CNOT6: variants seen among roughly 807,000 people sequenced by gnomAD.
CNOT6 encodes the protein CCR4-NOT transcription complex subunit 6.
CNOT6 carries 12 observed loss-of-function variants against 61.2 expected under a neutral mutation model. The observed-to-expected ratio is 0.20, with a 90% confidence interval of 0.13 to 0.32. CNOT6 has a LOEUF of 0.32. CNOT6 is among the 10% of genes least tolerant of loss of function. CNOT6 has a pLI of 1.00. For missense variants in CNOT6, 405 were observed against 663.9 expected, an observed-to-expected ratio of 0.61 and a Z score of 4.28; for synonymous variants, 225 against 240.6, an observed-to-expected ratio of 0.94 and a Z score of 0.60.
At chr5:180,561,283 C>T (rs2387281) in intron 4 of CNOT6, among the ~76,000 whole-genome samples, 132,219 of 151,918 alleles carry the variant, frequency 0.87, 57,938 homozygotes, top group East Asian at 1. Context: ...TTCTAATATT[C>T]CCATTTGGTT....
intron 10 of CNOT6, 90 bp from the exon 11 acceptor site, chr5:180,571,140 T>C (rs1760727192): frequency 2.4e-6 from 2 of 838,100 alleles, no homozygotes; most frequent in Non-Finnish European, 3.8e-6. Flanking sequence ...CGTGGGAATA[T>C]GTATAGTTTA....
intron 9 of CNOT6, 94 bp from the exon 10 acceptor site, chr5:180,569,016 C>A: frequency 1.1e-6 from 1 of 883,840 alleles, no homozygotes; most frequent in Non-Finnish European, 1.7e-6. Context: ...TATTCTGGGA[C>A]TCTGAGAGAT....
chr5:180,508,293 G>A (rs73363227), intron 1 of CNOT6, among the ~76,000 whole-genome samples: 1,953 of 152,230 alleles, frequency 0.013, 37 homozygotes, highest in African/African-American at 0.044. Flanking sequence ...GAAAGGGCAG[G>A]ATTGAAGACC....
intron 1 of CNOT6, among the ~76,000 whole-genome samples, chr5:180,509,828 G>GTT (rs10707986): frequency 4.1e-4 from 50 of 120,832 alleles, no homozygotes; most frequent in African/African-American, 7.3e-4. Context: ...ATACCTTGGT[G>GTT]TTTTTTTTTT....
At chr5:180,525,396 T>G (rs1426124395) in intron 1 of CNOT6, among the ~76,000 whole-genome samples, 1 of 151,760 alleles carries the variant, frequency 6.6e-6, no homozygotes, top group Non-Finnish European at 1.5e-5. Flanking sequence ...AAGATTAGCC[T>G]GGTGTGGTGG....
At chr5:180,531,045 G>A (rs1376393881) in intron 2 of CNOT6, among the ~76,000 whole-genome samples, 26 of 150,736 alleles carry the variant, frequency 1.7e-4, no homozygotes, top group African/African-American at 5.9e-4. Flanking sequence ...CAAAACCGCC[G>A]TTGTCATCAT....
chr5:180,515,238 T>G (rs1757579400), intron 1 of CNOT6, among the ~76,000 whole-genome samples: 1 of 150,776 alleles, frequency 6.6e-6, no homozygotes, highest in South Asian at 2.1e-4. Context: ...GGCAACATAG[T>G]GATGCCTCCC....
chr5:180,505,223 G>T (rs1417773277), intron 1 of CNOT6, among the ~76,000 whole-genome samples: 1 of 145,102 alleles, frequency 6.9e-6, no homozygotes, highest in Non-Finnish European at 1.5e-5. Flanking sequence ...GCCTCCTAAA[G>T]TACTGGGATT....
At position 180,574,364 on chromosome 5, in the gene CNOT6, AACAG is replaced by A; in HGVS notation, c.*168_*171del. ...TATAGTATGAAAGCCAGGTGCTAGC[AACAG>A]ACAAATTCTGAGCCCAATATGCTTT... On this transcript the variant is annotated 3_prime_UTR_variant, in exon 12 of 12. Coordinates refer to ENST00000261951, the MANE Select transcript of CNOT6 (RefSeq NM_001370472.1). The A allele has an allele frequency of 1.6e-6, 1 of 635,086 alleles. No individual in the cohort carries two copies. Among genetic ancestry groups the A allele is most frequent in the Non-Finnish European group, 2.8e-6 (1 of 361,842 alleles). The allele number at this position is 635,086 out of a possible 1,614,324, so 39.3% of individuals were successfully genotyped here. A position where few individuals can be genotyped will look rare whatever the true frequency, so the allele number is the denominator to read the frequency against.
chr5:180,548,804 A>G (rs1225618265), intron 2 of CNOT6, among the ~76,000 whole-genome samples: 2 of 152,216 alleles, frequency 1.3e-5, no homozygotes, highest in Non-Finnish European at 2.9e-5. Context: ...CGTTTTCTTC[A>G]GCCAATAGAA....
At chr5:180,517,986 T>C (rs1757720705) in intron 1 of CNOT6, among the ~76,000 whole-genome samples, 2 of 134,838 alleles carry the variant, frequency 1.5e-5, no homozygotes, top group Non-Finnish European at 3.4e-5. Flanking sequence ...GCAGTCCATA[T>C]GCTGTCTCTT....
At chr5:180,558,061 C>A (rs912446699) in intron 4 of CNOT6, among the ~76,000 whole-genome samples, 1 of 152,138 alleles carries the variant, frequency 6.6e-6, no homozygotes, top group Admixed American at 6.5e-5. Context: ...TTTCATTGAT[C>A]TATGTGTCCA....
intron 9 of CNOT6, 30 bp downstream of exon 9, chr5:180,568,033 A>T (rs1359344941): frequency 1.3e-6 from 2 of 1,577,278 alleles, no homozygotes; most frequent in Non-Finnish European, 1.7e-6. Flanking sequence ...TGTAAAATTG[A>T]CCAGCTCTGA....
chr5:180,551,429 GGT>G (rs1389164019), intron 3 of CNOT6, among the ~76,000 whole-genome samples: 1 of 152,082 alleles, frequency 6.6e-6, no homozygotes, highest in Non-Finnish European at 1.5e-5. Context: ...TAGAGATGAG[GGT>G]CTCACTATGT....
intron 1 of CNOT6, among the ~76,000 whole-genome samples, chr5:180,527,550 C>T (rs1167670135): frequency 6.6e-6 from 1 of 152,144 alleles, no homozygotes; most frequent in African/African-American, 2.4e-5. Flanking sequence ...AAACACGTTC[C>T]TCTAGATCCC....
intron 2 of CNOT6, among the ~76,000 whole-genome samples, chr5:180,539,681 C>G (rs531983734): frequency 3.5e-5 from 5 of 142,544 alleles, no homozygotes; most frequent in Admixed American, 7.2e-5. Context: ...GCTCTGCCTC[C>G]CAGGTTCACG....
intron 1 of CNOT6, among the ~76,000 whole-genome samples, chr5:180,499,207 T>C (rs1446765622): frequency 6.6e-6 from 1 of 152,246 alleles, no homozygotes; most frequent in Non-Finnish European, 1.5e-5. Context: ...AGTGTCAGTA[T>C]GTTTTGGAAG....
intron 1 of CNOT6, among the ~76,000 whole-genome samples, chr5:180,519,059 A>G (rs11949203): frequency 0.27 from 41,364 of 152,124 alleles, 6,220 homozygotes; most frequent in Middle Eastern, 0.41. Flanking sequence ...TGAGAGACCA[A>G]CTTTCCAGAG....
chr5:180,522,356 C>T (rs1014655030), intron 1 of CNOT6, among the ~76,000 whole-genome samples: 8 of 152,056 alleles, frequency 5.3e-5, no homozygotes, highest in South Asian at 2.1e-4. Flanking sequence ...TCAGGTGATC[C>T]GCCCTCGTAG....
Sources: allele counts gnomAD v4.1 joint callset (sites outside exome capture counted in the v4.1 genomes callset), GRCh38; gene constraint gnomAD v4.1.1; transcripts MANE v1.5; gene names NCBI Gene and HGNC (gene_info 2026-07-23, HGNC 2026-07-21).